Variants in DGKB observed in about 807,000 individuals in gnomAD.
DGKB encodes 90 kDa diacylglycerol kinase.
In DGKB, 67 loss-of-function variants were observed where a neutral mutation model predicts 114.3. The observed-to-expected ratio is 0.59, with a 90% CI of 0.48 to 0.72. The LOEUF (loss-of-function observed/expected upper bound fraction) is 0.72, where lower values mean the gene tolerates loss of function less well. Ranked by LOEUF, DGKB falls within the 30% of genes least tolerant of loss-of-function variation. The pLI is 0.00. For missense variants in DGKB, 907 were observed against 975.2 expected (o/e 0.93, Z 0.93); for synonymous variants, 398 against 323.1 (o/e 1.23, Z -2.49).
At chr7:14,553,009 G>A (rs182676174) in intron 20 of DGKB, among the ~76,000 whole-genome samples, 3 of 152,198 alleles carry the variant, frequency 2.0e-5, no homozygotes, top group Non-Finnish European at 4.4e-5. Flanking sequence ...GATGCTTAAG[G>A]CCTAATCCCC....
intron 2 of DGKB, among the ~76,000 whole-genome samples, chr7:14,817,079 A>G (rs976160901): frequency 4.6e-5 from 7 of 152,180 alleles, no homozygotes; most frequent in Non-Finnish European, 7.4e-5. Context: ...AATAGTCTAC[A>G]CTATATTATA....
At chr7:14,338,094 T>C (rs984877987) in intron 23 of DGKB, among the ~76,000 whole-genome samples, 12 of 152,094 alleles carry the variant, frequency 7.9e-5, no homozygotes, top group African/African-American at 2.9e-4. Context: ...TAAAATAGCT[T>C]CAATCTCATA....
intron 2 of DGKB, among the ~76,000 whole-genome samples, chr7:14,791,166 T>C (rs1478097696): frequency 1.3e-5 from 2 of 152,106 alleles, no homozygotes; most frequent in Admixed American, 6.6e-5. Flanking sequence ...GTCTTGTACA[T>C]ATTTTGTTAG....
rs151036286 is a variant in DGKB at position 14,618,389 on chromosome 7, C to G, written c.1284+2989G>C. Among the ~76,000 whole-genome samples, 540 of 151,662 alleles carry G rather than the reference C, an allele frequency of 3.6e-3. 1 individual carries two copies. The highest frequency in any genetic ancestry group is 0.012 in the African/African-American group (498 of 41,516). ...TTTCTCGTGCTAAAAGTGTTACAAACTAGATTCGTTACTTCTTAAATGACC... is the reference window on the plus strand; with the variant it reads ...TTTCTCGTGCTAAAAGTGTTACAAAGTAGATTCGTTACTTCTTAAATGACC... On this transcript the variant is annotated intron_variant, in intron 15 of 25. Coordinates refer to ENST00000402815, the MANE Select transcript of DGKB (RefSeq NM_001350709.2).
chr7:14,771,444 G>T (rs1837393748), intron 2 of DGKB, among the ~76,000 whole-genome samples: 1 of 152,046 alleles, frequency 6.6e-6, no homozygotes, highest in East Asian at 1.9e-4. Flanking sequence ...CCCAATGCTG[G>T]TGATGTAGTA....
At chr7:14,234,059 C>A (rs1792364350) in intron 23 of DGKB, among the ~76,000 whole-genome samples, 4 of 151,986 alleles carry the variant, frequency 2.6e-5, no homozygotes, top group Non-Finnish European at 4.4e-5. Flanking sequence ...AAGTACAGGC[C>A]CTTCTGAGCT....
At chr7:14,441,302 C>T (rs531026445) in intron 21 of DGKB, among the ~76,000 whole-genome samples, 50 of 152,116 alleles carry the variant, frequency 3.3e-4, no homozygotes, top group Non-Finnish European at 6.5e-4. Flanking sequence ...CCACCACGCC[C>T]GACCCATATC....
intron 1 of DGKB, among the ~76,000 whole-genome samples, chr7:14,954,886 T>C (rs1326045348): frequency 6.6e-6 from 1 of 152,078 alleles, no homozygotes; most frequent in Non-Finnish European, 1.5e-5. Context: ...TATCATATCC[T>C]TTTTATGTAT....
intron 3 of DGKB, among the ~76,000 whole-genome samples, chr7:14,757,398 A>G (rs1835036367): frequency 6.7e-6 from 1 of 149,758 alleles, no homozygotes; most frequent in African/African-American, 2.5e-5. Context: ...AACATTTAAT[A>G]TATCTTCTAG....
At chr7:14,930,650 A>G (rs1784968559) in intron 1 of DGKB, among the ~76,000 whole-genome samples, 1 of 152,190 alleles carries the variant, frequency 6.6e-6, no homozygotes, top group Non-Finnish European at 1.5e-5. Flanking sequence ...GTCATCAGTA[A>G]ACAGGGATAG....
intron 9 of DGKB, among the ~76,000 whole-genome samples, chr7:14,689,381 T>G (rs888539947): frequency 2.6e-5 from 4 of 151,678 alleles, no homozygotes; most frequent in Admixed American, 2.0e-4. Context: ...TTCACCGTGT[T>G]AGCCAGGATG....
chr7:14,298,409 A>G (rs911467472), intron 23 of DGKB, among the ~76,000 whole-genome samples: 1 of 152,198 alleles, frequency 6.6e-6, no homozygotes, highest in Non-Finnish European at 1.5e-5. Context: ...CCACATATCT[A>G]TAACCATCTG....
chr7:14,939,702 C>T (rs981108404), intron 1 of DGKB, among the ~76,000 whole-genome samples: 1 of 146,376 alleles, frequency 6.8e-6, no homozygotes, highest in Admixed American at 6.9e-5. Flanking sequence ...CAAGTTGCGC[C>T]TCCCGGCTTC....
chr7:14,899,846 G>A (rs769855001), intron 1 of DGKB, among the ~76,000 whole-genome samples: 4 of 152,140 alleles, frequency 2.6e-5, no homozygotes, highest in East Asian at 1.9e-4. Context: ...CTGATCCATA[G>A]TAGAGTACCA....
intron 23 of DGKB, among the ~76,000 whole-genome samples, chr7:14,301,781 C>A (rs1040938175): frequency 6.6e-6 from 1 of 152,042 alleles, no homozygotes; most frequent in Non-Finnish European, 1.5e-5. Flanking sequence ...AGATGGAGAT[C>A]TGGAGAGGTG....
chr7:14,326,067 C>CTT (rs72334706), intron 23 of DGKB, among the ~76,000 whole-genome samples: 82 of 134,862 alleles, frequency 6.1e-4, no homozygotes, highest in Non-Finnish European at 5.3e-4. Context: ...TCACAGATTT[C>CTT]TTTTTTTTTT....
intron 23 of DGKB, among the ~76,000 whole-genome samples, chr7:14,200,255 A>G (rs1034107682): frequency 3.3e-5 from 5 of 152,042 alleles, no homozygotes; most frequent in African/African-American, 1.2e-4. Flanking sequence ...AACCTATACT[A>G]TGAGGCAGCA....
chr7:14,471,195 G>C (rs75697787), intron 21 of DGKB, among the ~76,000 whole-genome samples: 2,818 of 92,958 alleles, frequency 0.03, 660 homozygotes, highest in African/African-American at 0.11. Context: ...ATACATATAT[G>C]TATGGAATAT....
intron 25 of DGKB, among the ~76,000 whole-genome samples, chr7:14,155,033 CT>C (rs1370419981): frequency 6.6e-6 from 1 of 152,080 alleles, no homozygotes; most frequent in Admixed American, 6.6e-5. Flanking sequence ...CCCAGATCTT[CT>C]GATTCAGATT....
Sources: gnomAD v4.1 joint callset for allele counts (sites outside exome capture counted in the v4.1 genomes callset) on GRCh38, gnomAD v4.1.1 for gene constraint, MANE v1.5 for transcripts, NCBI Gene and HGNC (gene_info 2026-07-23, HGNC 2026-07-21) for gene names.